RP1: variants seen among roughly 807,000 people sequenced by gnomAD.
RP1 encodes RP1 axonemal microtubule associated, also known as oxygen-regulated protein 1.
A neutral mutation model predicts 14.8 loss-of-function variants in RP1; 16 were observed. That is an observed-to-expected ratio of 1.08 (90% CI 0.73 to 1.65). The LOEUF is 1.65. RP1 is among the 40% of genes most tolerant of loss of function. RP1 has a pLI of 0.00. For missense variants in RP1, 2,631 were observed against 2,535.0 expected (o/e 1.04, Z -0.81); for synonymous variants, 876 against 883.6 (o/e 0.99, Z 0.15).
At chr8:54,587,591 A>G (rs957784338) in intron 1 of RP1, among the ~76,000 whole-genome samples, 1 of 152,218 alleles carries the variant, frequency 6.6e-6, no homozygotes, top group South Asian at 2.1e-4. Context: ...ATTGGAACCT[A>G]CTGGGAAGTT....
chr8:54,639,050 C>T (rs1806409115), intron 3 of RP1, among the ~76,000 whole-genome samples: 1 of 152,122 alleles, frequency 6.6e-6, no homozygotes, highest in Admixed American at 6.5e-5. Context: ...ATTTCCATCA[C>T]TCAAAAAAGG....
At chr8:54,736,741 C>A (rs1330149988) in intron 18 of RP1, among the ~76,000 whole-genome samples, 1 of 152,008 alleles carries the variant, frequency 6.6e-6, no homozygotes, top group Non-Finnish European at 1.5e-5. Flanking sequence ...TCCAGGCCAG[C>A]AGGATGGGCA....
At position 54,658,130 on chromosome 8, in the gene RP1, C is replaced by T. The variant is rs552941371; in HGVS notation, c.1171+1915C>T. ...GGAACCACATTTCTACTTTCTGTTT[C>T]TATGATTTTAACTACTTTAGATACA... On this transcript the variant is annotated intron_variant, in intron 6 of 22. Coordinates refer to the RP1 transcript ENST00000636932. 2.0e-5 allele frequency among the ~76,000 whole-genome samples: 3 copies of T among 152,298 alleles called. No homozygotes were observed. In the South Asian group the frequency reaches 6.2e-4, roughly 32 times the overall value.
chr8:54,615,688 TA>T (rs757736968), upstream of RP1, among the ~76,000 whole-genome samples: 9 of 152,190 alleles, frequency 5.9e-5, no homozygotes, highest in Non-Finnish European at 8.8e-5. Flanking sequence ...AGTGCCTAAA[TA>T]AAACAAAAGG....
intron 1 of RP1, among the ~76,000 whole-genome samples, chr8:54,588,504 C>T (rs1033460447): frequency 1.3e-5 from 2 of 152,146 alleles, no homozygotes; most frequent in African/African-American, 2.4e-5. Flanking sequence ...GGAAGCTGGG[C>T]CCAGGAAGGA....
At chr8:54,758,277 T>C (rs553158232) in intron 21 of RP1, among the ~76,000 whole-genome samples, 1 of 152,308 alleles carries the variant, frequency 6.6e-6, no homozygotes, top group African/African-American at 2.4e-5. Context: ...TTAATCAGTA[T>C]AGCACTGACT....
At chr8:54,804,842 T>A (rs1810808377) in intron 24 of RP1, among the ~76,000 whole-genome samples, 1 of 152,202 alleles carries the variant, frequency 6.6e-6, no homozygotes, top group Non-Finnish European at 1.5e-5. Context: ...AAGTAAGCAA[T>A]TATATTTTAA....
intron 19 of RP1, among the ~76,000 whole-genome samples, chr8:54,745,390 C>T (rs1379453346): frequency 1.3e-5 from 2 of 152,118 alleles, no homozygotes; most frequent in African/African-American, 4.8e-5. Context: ...TAAGTACCAC[C>T]ATATGTCTGT....
intron 1 of RP1, among the ~76,000 whole-genome samples, chr8:54,583,735 G>A (rs892459767): frequency 6.6e-6 from 1 of 152,162 alleles, no homozygotes; most frequent in Non-Finnish European, 1.5e-5. Context: ...TTGGGAGGGT[G>A]TATGTGTTGA....
chr8:54,769,749 C>T (rs1322634957), exon 23 of RP1: 2 of 1,529,942 alleles, frequency 1.3e-6, no homozygotes, highest in South Asian at 1.2e-5. Context: ...AGATGGCTTC[C>T]TTTCATGTCT....
At chr8:54,566,293 G>T (rs140858568) in intron 1 of RP1, among the ~76,000 whole-genome samples, 2 of 152,032 alleles carry the variant, frequency 1.3e-5, no homozygotes, top group African/African-American at 2.4e-5. Context: ...AATCAGTGTC[G>T]TCCTGATAAG....
At chr8:54,578,160 T>G (rs1433731760) in intron 1 of RP1, among the ~76,000 whole-genome samples, 1 of 152,056 alleles carries the variant, frequency 6.6e-6, no homozygotes, top group African/African-American at 2.4e-5. Context: ...TTTCTAATTA[T>G]AGAGCGAGAA....
downstream of RP1, among the ~76,000 whole-genome samples, chr8:54,632,505 G>A (rs924544013): frequency 3.3e-5 from 5 of 152,190 alleles, no homozygotes; most frequent in African/African-American, 1.2e-4. Flanking sequence ...CACAGAGCTA[G>A]CTTCGTACTT....
chr8:54,822,308 T>C (rs1414101409), intron 24 of RP1, among the ~76,000 whole-genome samples: 1 of 152,130 alleles, frequency 6.6e-6, no homozygotes, highest in Non-Finnish European at 1.5e-5. Context: ...ATCCAGAGAG[T>C]AGCATATTTG....
At chr8:54,613,500 T>G (rs1021334030), upstream of RP1, among the ~76,000 whole-genome samples, 3 of 152,216 alleles carry the variant, frequency 2.0e-5, no homozygotes, top group Non-Finnish European at 2.9e-5. Flanking sequence ...TTGAGCTGTT[T>G]CTGGAAATTC....
chr8:54,670,486 T>G (rs1563343080), intron 7 of RP1, among the ~76,000 whole-genome samples: 4 of 139,468 alleles, frequency 2.9e-5, no homozygotes, highest in African/African-American at 1.1e-4. Context: ...GGTTTACATA[T>G]GTAAGTATGT....
At chr8:54,575,628 T>C (rs1804624318) in intron 1 of RP1, among the ~76,000 whole-genome samples, 1 of 152,224 alleles carries the variant, frequency 6.6e-6, no homozygotes, top group Non-Finnish European at 1.5e-5. Flanking sequence ...TAGGTCTTTT[T>C]AACTTTTATT....
intron 7 of RP1, among the ~76,000 whole-genome samples, chr8:54,672,360 C>T (rs1585595851): frequency 6.6e-6 from 1 of 152,156 alleles, no homozygotes; most frequent in Admixed American, 6.5e-5. Context: ...GGTTTCCTTC[C>T]TGTTGCACTG....
rs578053702 is a variant in RP1 at position 54,855,900 on chromosome 8, TAGTATA to T, written c.3991-1122_3991-1117del. On this transcript the variant is annotated intron_variant, in intron 26 of 28. Transcript: ENST00000637698. Reference sequence around the variant, plus strand: ...TATGCTTCGCATACGGAGTGCATATTAGTATAAGTATTTTTAGGAAGTGAGACTTAC... The same window carrying T: ...TATGCTTCGCATACGGAGTGCATATTAGTATTTTTAGGAAGTGAGACTTAC... 5.3e-3 allele frequency among the ~76,000 whole-genome samples: 807 copies of T among 151,128 alleles called. 2 individuals carry two copies. Among genetic ancestry groups the T allele is most frequent in the Admixed American group, 0.01 (158 of 15,094 alleles).
Sources: gnomAD v4.1 joint callset for allele counts (sites outside exome capture counted in the v4.1 genomes callset) on GRCh38, gnomAD v4.1.1 for gene constraint, MANE v1.5 for transcripts, NCBI Gene and HGNC (gene_info 2026-07-23, HGNC 2026-07-21) for gene names.